The following C8orf34 variants were observed in gnomAD, a reference collection of about 807,000 sequenced individuals.
C8orf34 encodes uncharacterized protein C8orf34.
A neutral mutation model predicts 68.3 loss-of-function variants in C8orf34; 65 were observed. The observed-to-expected ratio is 0.95, with a 90% CI of 0.78 to 1.17. The LOEUF is 1.17. Ranked by LOEUF, C8orf34 falls within the 50% of genes most tolerant of loss-of-function variation. C8orf34 has a pLI of 0.00. For synonymous variants in C8orf34, 244 were observed against 241.2 expected (o/e 1.01, Z -0.11); for missense variants, 664 against 655.4 (o/e 1.01, Z -0.14).
chr8:68,419,840 A>C (rs1469189776), intron 1 of C8orf34, among the ~76,000 whole-genome samples: 1 of 54,338 alleles, frequency 1.8e-5, no homozygotes, highest in Non-Finnish European at 3.2e-5. Context: ...GGGTGGGGGA[A>C]GGGGGGAGGG....
At chr8:68,395,105 A>G (rs531459151) in intron 1 of C8orf34, among the ~76,000 whole-genome samples, 43 of 152,202 alleles carry the variant, frequency 2.8e-4, no homozygotes, top group African/African-American at 9.9e-4. Context: ...CCTAAATGTC[A>G]AATATGTGGA....
intron 7 of C8orf34, among the ~76,000 whole-genome samples, chr8:68,542,893 C>T (rs1282706507): frequency 6.6e-6 from 1 of 151,996 alleles, no homozygotes; most frequent in Non-Finnish European, 1.5e-5. Flanking sequence ...TAGAAAATGC[C>T]ATTTTGTTTA....
intron 8 of C8orf34, among the ~76,000 whole-genome samples, chr8:68,657,883 CAGAA>C (rs1819555041): frequency 6.6e-6 from 1 of 152,180 alleles, no homozygotes; most frequent in African/African-American, 2.4e-5. Context: ...GTTATGCAGT[CAGAA>C]AGCTGAGCAG....
At chr8:68,496,194 TATA>T (rs1292078887) in intron 5 of C8orf34, among the ~76,000 whole-genome samples, 4 of 152,202 alleles carry the variant, frequency 2.6e-5, no homozygotes, top group Non-Finnish European at 5.9e-5. Context: ...AAGATAAATA[TATA>T]TGAGACCATG....
chr8:68,605,464 T>A (rs765408743), intron 7 of C8orf34, among the ~76,000 whole-genome samples: 1 of 152,126 alleles, frequency 6.6e-6, no homozygotes, highest in Non-Finnish European at 1.5e-5. Context: ...AACTAAGATG[T>A]TCTTCAGTAG....
intron 10 of C8orf34, among the ~76,000 whole-genome samples, chr8:68,774,349 A>ATATATATATAT (rs562858909): frequency 6.8e-5 from 10 of 147,688 alleles, no homozygotes; most frequent in African/African-American, 1.3e-4. Context: ...ATATATATAT[A>ATATATATATAT]AAATAAACAA....
rs1050083839 is a variant in C8orf34 at position 68,630,654 on chromosome 8, A to T, written c.1106-9722A>T. 4.6e-4 allele frequency among the ~76,000 whole-genome samples: 70 copies of T among 152,290 alleles called. 1 individual carries two copies. Among genetic ancestry groups the T allele is most frequent in the African/African-American group, 1.7e-3 (69 of 41,580 alleles). ...TTGAATATATTTATGTCATTGAGGAATATTTTATAGTGGTTATATTATTGG... is the reference window on the plus strand; with the variant it reads ...TTGAATATATTTATGTCATTGAGGATTATTTTATAGTGGTTATATTATTGG... On this transcript the variant is annotated intron_variant, in intron 7 of 13. Transcript: ENST00000518698.
intron 4 of C8orf34, among the ~76,000 whole-genome samples, chr8:68,470,566 T>G (rs1812337576): frequency 6.6e-6 from 1 of 152,038 alleles, no homozygotes; most frequent in African/African-American, 2.4e-5. Flanking sequence ...GCCTTCCAGG[T>G]TGTCTTACCC....
At chr8:68,738,831 T>G (rs1397814739) in intron 10 of C8orf34, among the ~76,000 whole-genome samples, 1 of 152,068 alleles carries the variant, frequency 6.6e-6, no homozygotes, top group Non-Finnish European at 1.5e-5. Flanking sequence ...ATCAGATGGA[T>G]TCACAGCTGA....
chr8:68,531,775 A>G (rs1234828917), intron 6 of C8orf34, among the ~76,000 whole-genome samples: 1 of 152,014 alleles, frequency 6.6e-6, no homozygotes, highest in African/African-American at 2.4e-5. Flanking sequence ...AAGCAAGAGG[A>G]ACCAAAAGAG....
At chr8:68,550,935 A>T (rs1190457677) in intron 7 of C8orf34, among the ~76,000 whole-genome samples, 1 of 149,440 alleles carries the variant, frequency 6.7e-6, no homozygotes, top group Non-Finnish European at 1.5e-5. Flanking sequence ...GGTTTCTTTC[A>T]AAGTTTCTTC....
intron 1 of C8orf34, among the ~76,000 whole-genome samples, chr8:68,419,074 C>A (rs1809817690): frequency 6.6e-6 from 1 of 151,780 alleles, no homozygotes. Context: ...ATTTTCGCAA[C>A]CTGCTCATCT....
chr8:68,568,520 T>C (rs1264063621), intron 7 of C8orf34, among the ~76,000 whole-genome samples: 1 of 151,816 alleles, frequency 6.6e-6, no homozygotes, highest in Non-Finnish European at 1.5e-5. Flanking sequence ...ATGCTGCTGA[T>C]AGACTTGCTG....
At chr8:68,561,819 A>G (rs1382028054) in intron 7 of C8orf34, among the ~76,000 whole-genome samples, 1 of 152,156 alleles carries the variant, frequency 6.6e-6, no homozygotes, top group African/African-American at 2.4e-5. Context: ...GCACAAACAC[A>G]CACATTAGCC....
chr8:68,439,296 G>A (rs1810796311), intron 1 of C8orf34: 1 of 445,080 alleles, frequency 2.2e-6, no homozygotes. Context: ...GTGTAATATA[G>A]ACAATTTACT....
At chr8:68,553,138 C>T (rs1240198215) in intron 7 of C8orf34, among the ~76,000 whole-genome samples, 3 of 152,042 alleles carry the variant, frequency 2.0e-5, no homozygotes, top group Non-Finnish European at 2.9e-5. Context: ...GTAATCCCAG[C>T]ACTTTGGGAG....
rs1163834430 is a variant in C8orf34, at chr8:68,331,078, A to C, written c.66A>C (p.Ser22=). The C allele has an allele frequency of 1.4e-6, 2 of 1,446,690 alleles. No individual in the cohort carries two copies. Among genetic ancestry groups the C allele is most frequent in the Admixed American group, 5.2e-5 (2 of 38,478 alleles). The allele number at this position is 1,446,690 out of a possible 1,614,324, so 89.6% of individuals were successfully genotyped here. ...LAALRPGFRL[S]APHARVAPRA... ...CGCTGCGCCCAGGCTTCCGGCTCTC[A>C]GCGCCCCACGCGCGCGTGGCTCCCC... Residue 22 remains serine (S), a synonymous_variant, in exon 1 of 14, where the codon TCA becomes TCC. Coordinates refer to ENST00000518698, the MANE Select transcript of C8orf34 (RefSeq NM_052958.4).
Position 68,484,098 on chromosome 8 carries a change from G to C in C8orf34, c.737-3925G>C, listed in dbSNP as rs117182078. ...TCTGCCTTTGGGGAGGCCTCTGGAG[G>C]CTTACAATCATGGCACAAGGCCAAG... On this transcript the variant is annotated intron_variant, in intron 4 of 13. Coordinates refer to ENST00000518698, the MANE Select transcript of C8orf34 (RefSeq NM_052958.4). 1.9e-3 allele frequency among the ~76,000 whole-genome samples: 292 copies of C among 152,348 alleles called. 5 individuals are homozygous for C. In the East Asian group the frequency reaches 0.041, roughly 21 times the overall value.
At chr8:68,509,753 GGTAA>G (rs1172759083) in intron 5 of C8orf34, among the ~76,000 whole-genome samples, 1 of 152,124 alleles carries the variant, frequency 6.6e-6, no homozygotes, top group African/African-American at 2.4e-5. Flanking sequence ...AGATACCTGG[GGTAA>G]GTGAGGGAGA....
Sources: allele counts gnomAD v4.1 joint callset (sites outside exome capture counted in the v4.1 genomes callset), GRCh38; gene constraint gnomAD v4.1.1; transcripts MANE v1.5; gene names NCBI Gene and HGNC (gene_info 2026-07-23, HGNC 2026-07-21).